The following RFNG variants were observed in gnomAD, a reference collection of about 807,000 sequenced individuals.
RFNG encodes beta-1,3-N-acetylglucosaminyltransferase radical fringe.
A neutral mutation model predicts 29.6 loss-of-function variants in RFNG; 37 were observed. That is an observed-to-expected ratio of 1.25 (90% confidence interval 0.96 to 1.65). The LOEUF is 1.65. RFNG is among the 40% of genes most tolerant of loss of function. The pLI is 0.00. For missense variants in RFNG, 546 were observed against 457.0 expected, an observed-to-expected ratio of 1.19 and a Z score of -1.78; for synonymous variants, 276 against 197.3, an observed-to-expected ratio of 1.40 and a Z score of -3.34.
intron 4 of RFNG, 163 bp from the exon 5 acceptor site, chr17:82,050,169 T>C (rs1191083230): frequency 2.5e-6 from 2 of 790,544 alleles, no homozygotes; most frequent in African/African-American, 1.7e-5. Context: ...TGCAGGCCAT[T>C]GACCCGTAGC....
rs200651785 is a variant in RFNG, at chr17:82,049,846, G to A, written c.663-4C>T. On this transcript the variant is annotated splice_region_variant and splice_polypyrimidine_tract_variant and intron_variant, in intron 5 of 7. Coordinates refer to ENST00000310496, the MANE Select transcript of RFNG (RefSeq NM_002917.2). ...TGTGCTCATGAAGCTGCCCAGGCTG[G>A]GGGGAGGCCGGTCAGCACCTTTCAG... The A allele has an allele frequency of 2.3e-5, 37 of 1,604,232 alleles. No homozygotes were observed. The highest frequency in any genetic ancestry group is 3.0e-5 in the Non-Finnish European group (35 of 1,175,494).
Position 82,050,010 on chromosome 17 carries a change from A to G in RFNG, c.574-4T>C. The G allele has an allele frequency of 1.9e-6, 3 of 1,606,932 alleles. No individual in the cohort carries two copies. The highest frequency in any genetic ancestry group is 2.5e-6 in the Non-Finnish European group (3 of 1,176,652). Reference sequence around the variant, plus strand: ...ACCAGAACTTGACCGTGGTCACCTGAAGATGGGGTGGTGGTCAGAGCTGCC... The same window carrying G: ...ACCAGAACTTGACCGTGGTCACCTGGAGATGGGGTGGTGGTCAGAGCTGCC... On this transcript the variant is annotated splice_region_variant and splice_polypyrimidine_tract_variant and intron_variant, in intron 4 of 7. Coordinates refer to ENST00000310496, the MANE Select transcript of RFNG (RefSeq NM_002917.2).
At position 82,048,443 on chromosome 17, in the gene RFNG, T is replaced by G. The variant is rs1182857198; in HGVS notation, c.*283A>C. On this transcript the variant is annotated 3_prime_UTR_variant, in exon 8 of 8. Coordinates refer to ENST00000310496, the MANE Select transcript of RFNG (RefSeq NM_002917.2). The stretch of plus-strand genomic sequence containing the variant: ...CCTCCCAGGTGCGCAAGTGCTGGGG[T>G]GGAAGCCTGTTCCCGTGGGATCAAC... 2 of 473,868 alleles carry G rather than the reference T, an allele frequency of 4.2e-6. No homozygotes were observed. Among genetic ancestry groups the G allele is most frequent in the Admixed American group, 3.4e-5 (1 of 29,336 alleles). The allele number at this position is 473,868 out of a possible 1,614,324, so 29.4% of individuals were successfully genotyped here.
chr17:82,051,609 G>C lies in RFNG; in HGVS notation c.158C>G (p.Pro53Arg). 1 of 1,252,606 alleles carries C rather than the reference G, an allele frequency of 8.0e-7. No individual in the cohort carries two copies. The highest frequency in any genetic ancestry group is 1.0e-6 in the Non-Finnish European group (1 of 998,238). The allele number at this position is 1,252,606 out of a possible 1,614,324, so 77.6% of individuals were successfully genotyped here. Reference protein sequence around the residue: ...PRAPPSRPAAPSLRPDDVFIA... With the variant: ...PRAPPSRPAARSLRPDDVFIA... The stretch of plus-strand genomic sequence containing the variant: ...GAAGACGTCGTCAGGCCGCAGGCTG[G>C]GGGCAGCGGGCCGGGACGGGGGCGC... The change falls in exon 1 of 8, where the codon CCC becomes CGC. Residue 53 changes from proline (P) to arginine (R), a missense_variant. By Grantham distance (103) the Pro-to-Arg change is moderately radical. Coordinates refer to ENST00000310496, the MANE Select transcript of RFNG (RefSeq NM_002917.2). The surrounding 1 kb of genome is among the most constrained non-coding windows in gnomAD (Gnocchi z 4.1).
In RFNG at chr17:82,051,590, G is replaced by A. The variant is rs1399833082; in HGVS notation, c.177C>T (p.Asp59=). ...GGGTGGTCTTGACGGCGATGAAGACGTCGTCAGGCCGCAGGCTGGGGGCAG... is the reference window on the plus strand; with the variant it reads ...GGGTGGTCTTGACGGCGATGAAGACATCGTCAGGCCGCAGGCTGGGGGCAG... ...RPAAPSLRPD[D]VFIAVKTTRK... The change falls in exon 1 of 8, where the codon GAC becomes GAT. Residue 59 remains aspartate, a synonymous_variant. Transcript: ENST00000310496. This position sits in a 1 kb window ranked among gnomAD's most constrained non-coding sequence, Gnocchi z 4.1. The A allele has an allele frequency of 3.1e-5, 41 of 1,315,242 alleles. No homozygotes were observed. Among genetic ancestry groups the A allele is most frequent in the Non-Finnish European group, 3.8e-5 (39 of 1,030,552 alleles). The allele number at this position is 1,315,242 out of a possible 1,614,324, so 81.5% of individuals were successfully genotyped here. A position where few individuals can be genotyped will look rare whatever the true frequency, so the allele number is the denominator to read the frequency against.
Position 82,051,444 on chromosome 17 carries a change from T to C in RFNG, c.267+56A>G, listed in dbSNP as rs554985698. On this transcript the variant is annotated intron_variant, in intron 1 of 7. Transcript: ENST00000310496. The surrounding 1 kb of genome is among the most constrained non-coding windows in gnomAD (Gnocchi z 4.1). The stretch of plus-strand genomic sequence containing the variant: ...GGGGGCCTGGGCCGGGCCTAGACCC[T>C]GGGAGGCGGGGCGGGTGGGCGTGGG... 0.015 allele frequency: 20,181 copies of C among 1,339,546 alleles called. 182 individuals are homozygous for C. Among genetic ancestry groups the C allele is most frequent in the Non-Finnish European group, 0.017 (18,016 of 1,042,658 alleles). The allele number at this position is 1,339,546 out of a possible 1,614,324, so 83.0% of individuals were successfully genotyped here.
chr17:82,048,971 G>A (rs1568028249), intron 7 of RFNG, 60 bp downstream of exon 7: 1 of 1,561,978 alleles, frequency 6.4e-7, no homozygotes, highest in Admixed American at 1.7e-5. Context: ...CGTGGGTAGA[G>A]GGAGCTGATG....
rs1280846830 is a variant in RFNG at position 82,048,316 on chromosome 17, G to C, written c.*410C>G. The C allele has an allele frequency of 4.4e-6, 1 of 229,654 alleles. No homozygotes were observed. The highest frequency in any genetic ancestry group is 8.8e-6 in the Non-Finnish European group (1 of 114,070). The allele number at this position is 229,654 out of a possible 1,614,324, so 14.2% of individuals were successfully genotyped here. A position where few individuals can be genotyped will look rare whatever the true frequency, so the allele number is the denominator to read the frequency against. On this transcript the variant is annotated 3_prime_UTR_variant, in exon 8 of 8. Coordinates refer to ENST00000310496, the MANE Select transcript of RFNG (RefSeq NM_002917.2). ...CCTGCCAGGCTGAGCCCTTGCAATG[G>C]CCGTGGCTGGGCCAGGACCTTGGCC...
rs375543738 is a variant in RFNG, at chr17:82,050,380, T to C, written c.573+22A>G. On this transcript the variant is annotated intron_variant, in intron 4 of 7. Coordinates refer to ENST00000310496, the MANE Select transcript of RFNG (RefSeq NM_002917.2). Reference sequence around the variant, plus strand: ...GTGTCAAGGAAGGCGTCTGCTCCGATGGCGTCTGCTCCGACACTCACAGTT... The same window carrying C: ...GTGTCAAGGAAGGCGTCTGCTCCGACGGCGTCTGCTCCGACACTCACAGTT... The C allele has an allele frequency of 3.2e-6, 5 of 1,546,916 alleles. No individual in the cohort carries two copies. In the South Asian group the frequency reaches 3.6e-5, roughly 11 times the overall value.
chr17:82,051,129 G>A lies in RFNG; in HGVS notation c.316+165C>T, dbSNP rs1403073222. 1.1e-5 allele frequency: 14 copies of A among 1,325,938 alleles called. No individual in the cohort carries two copies. Among genetic ancestry groups the A allele is most frequent in the Non-Finnish European group, 1.3e-5 (14 of 1,042,092 alleles). The allele number at this position is 1,325,938 out of a possible 1,614,324, so 82.1% of individuals were successfully genotyped here. On this transcript the variant is annotated intron_variant, in intron 2 of 7. Coordinates refer to ENST00000310496, the MANE Select transcript of RFNG (RefSeq NM_002917.2). This position sits in a 1 kb window ranked among gnomAD's most constrained non-coding sequence, Gnocchi z 4.1. ...TGGGGAGCAGAGCTTGGCTGGCAGG[G>A]TGGGCCCTCCGCAGGCCGCGTGACC...
intron 6 of RFNG, 58 bp downstream of exon 6, chr17:82,049,619 G>A (rs1454189552): frequency 6.8e-7 from 1 of 1,463,820 alleles, no homozygotes; most frequent in South Asian, 1.4e-5. Context: ...GGGGCCCCTG[G>A]GGGAGTCAGG....
rs746270954 is a variant in RFNG, at chr17:82,051,013, T to C, written c.317-249A>G. 5.3e-4 allele frequency: 743 copies of C among 1,404,446 alleles called. No homozygotes were observed. Among genetic ancestry groups the C allele is most frequent in the Non-Finnish European group, 6.7e-4 (723 of 1,084,002 alleles). 87.0% of individuals were successfully genotyped at this position (1,404,446 alleles called of 1,614,324 possible). ...AGGACGGAGGCAGCTCGCCCTGACC[T>C]GGCCTGGAAGGGCGGATTCCCTGCT... is the stretch of plus-strand genomic sequence containing the variant. On this transcript the variant is annotated intron_variant, in intron 2 of 7. Coordinates refer to ENST00000310496, the MANE Select transcript of RFNG (RefSeq NM_002917.2). This position sits in a 1 kb window ranked among gnomAD's most constrained non-coding sequence, Gnocchi z 4.1.
chr17:82,051,715 C>T lies in RFNG; in HGVS notation c.52G>A (p.Ala18Thr). 1.9e-6 allele frequency: 2 copies of T among 1,040,040 alleles called. No individual in the cohort carries two copies. The highest frequency in any genetic ancestry group is 8.3e-5 in the East Asian group (1 of 12,096). 64.4% of individuals were successfully genotyped at this position (1,040,040 alleles called of 1,614,324 possible). Residue 18 changes from alanine (A) to threonine (T), a missense_variant, in exon 1 of 8, where the codon GCC (alanine) becomes ACC (threonine). Physicochemically the swap from Ala to Thr is moderately conservative, Grantham distance 58 (BLOSUM62 0). Transcript: ENST00000310496. The surrounding 1 kb of genome is among the most constrained non-coding windows in gnomAD (Gnocchi z 4.1). ...LCRACLALAA[A>T]LAALLLLPLP... ...GGCAGTAACAGCAGCGCGGCCAGGGCCGCGGCCAGCGCGAGGCAGGCCCGG... is the reference window on the plus strand; with the variant it reads ...GGCAGTAACAGCAGCGCGGCCAGGGTCGCGGCCAGCGCGAGGCAGGCCCGG...
rs1479162688 is a variant in RFNG at position 82,048,629 on chromosome 17, G to A, written c.*97C>T. ...CCAGGTGCCTGCATCTCACTGGTGT[G>A]GCCGTGGCACCTGAGGGAGCCCACT... On this transcript the variant is annotated 3_prime_UTR_variant, in exon 8 of 8. Transcript: ENST00000310496. 8.3e-6 allele frequency: 8 copies of A among 964,010 alleles called. No homozygotes were observed. The highest frequency in any genetic ancestry group is 3.2e-5 in the African/African-American group (2 of 62,128). 59.7% of individuals were successfully genotyped at this position (964,010 alleles called of 1,614,324 possible).
At position 82,048,585 on chromosome 17, in the gene RFNG, A is replaced by G. The variant is rs1302114482; in HGVS notation, c.*141T>C. 2.9e-6 allele frequency: 2 copies of G among 686,456 alleles called. No homozygotes were observed. Among genetic ancestry groups the G allele is most frequent in the African/African-American group, 3.6e-5 (2 of 55,998 alleles). 42.5% of individuals were successfully genotyped at this position (686,456 alleles called of 1,614,324 possible). On this transcript the variant is annotated 3_prime_UTR_variant, in exon 8 of 8. Coordinates refer to ENST00000310496, the MANE Select transcript of RFNG (RefSeq NM_002917.2). The stretch of plus-strand genomic sequence containing the variant: ...CAGGGGCTGGGAGAGGGGGGGCTGC[A>G]GGCTAGCCAGAGGGTCTGCCAGGTG...
Position 82,049,209 on chromosome 17 carries a change from C to T in RFNG, c.829-93G>A, listed in dbSNP as rs1389479063. On this transcript the variant is annotated intron_variant, in intron 6 of 7. Coordinates refer to ENST00000310496, the MANE Select transcript of RFNG (RefSeq NM_002917.2). ...AGGAGCCCTGCTAGAGCCCCTTTGC[C>T]CACCCCCTCTCCCCAGGCCCTCGGG... The T allele has an allele frequency of 1.5e-5, 15 of 1,029,786 alleles. No homozygotes were observed. The South Asian group carries it at 1.9e-4, about 13-fold the overall frequency. The allele number at this position is 1,029,786 out of a possible 1,614,324, so 63.8% of individuals were successfully genotyped here.
At chr17:82,049,640 G>C in intron 6 of RFNG, 37 bp downstream of exon 6, 1 of 1,459,804 alleles carries the variant, frequency 6.9e-7, no homozygotes, top group South Asian at 1.4e-5. Context: ...GCGGGGCAAA[G>C]CCCAGGTGGC....
At chr17:82,049,411 A>G (rs1176358191) in intron 6 of RFNG, 2 of 699,724 alleles carry the variant, frequency 2.9e-6, no homozygotes, top group Non-Finnish European at 2.6e-6. Flanking sequence ...CATACACACC[A>G]CACCCACTGC....
intron 2 of RFNG, 125 bp from the exon 3 acceptor site, chr17:82,050,889 C>A: frequency 1.4e-6 from 2 of 1,410,530 alleles, no homozygotes; most frequent in Non-Finnish European, 1.9e-6. Context: ...GGACACCTTG[C>A]CTGGGTCCAA....
Sources: gnomAD v4.1 joint callset for allele counts on GRCh38, gnomAD v4.1.1 for gene constraint, Gnocchi (gnomAD v3.1) non-coding constraint, MANE v1.5 for transcripts, NCBI Gene and HGNC (gene_info 2026-07-23, HGNC 2026-07-21) for gene names.